Variants in ITGA1 observed in about 807,000 individuals in gnomAD.
ITGA1 encodes integrin alpha-1.
A neutral mutation model predicts 145.9 loss-of-function variants in ITGA1; 85 were observed. The ratio of observed to expected loss-of-function variants is 0.58; its 90% CI spans 0.49 to 0.70. The LOEUF (loss-of-function observed/expected upper bound fraction) is 0.70, where lower values mean the gene tolerates loss of function less well. Among genes scored for constraint, ITGA1 ranks in the 30% least tolerant of loss-of-function variants. The pLI is 0.00. For synonymous variants in ITGA1, 520 were observed against 495.3 expected (o/e 1.05, Z -0.66); for missense variants, 1,351 against 1,418.7 (o/e 0.95, Z 0.77).
chr5:52,948,830 T>C (rs1471617439), intron 28 of ITGA1: 3 of 152,172 alleles, frequency 2.0e-5, no homozygotes, highest in African/African-American at 7.2e-5. Flanking sequence ...CTTACCTCTA[T>C]GGTTTTAGAA....
At chr5:52,901,191 G>A (rs1561242360) in intron 11 of ITGA1, among the ~76,000 whole-genome samples, 1 of 152,186 alleles carries the variant, frequency 6.6e-6, no homozygotes, top group East Asian at 1.9e-4. Flanking sequence ...GAGAGATGCA[G>A]TGTTGTTGGC....
At chr5:52,900,578 A>G (rs999963424) in intron 11 of ITGA1, among the ~76,000 whole-genome samples, 8 of 152,218 alleles carry the variant, frequency 5.3e-5, no homozygotes, top group Admixed American at 2.0e-4. Context: ...AATGAATATT[A>G]CACACCCATA....
In ITGA1 at chr5:52,844,885, C is replaced by T. The variant is rs1370175903; in HGVS notation, c.62-4480C>T. ...AGACAACTTAGTATAACAAAATTCA[C>T]ATTGAACTAAAAGTTATGAAAAGCT... On this transcript the variant is annotated intron_variant, in intron 1 of 28. Coordinates refer to ENST00000282588, the MANE Select transcript of ITGA1 (RefSeq NM_181501.2). Among the ~76,000 whole-genome samples the T allele has an allele frequency of 2.0e-5, 3 of 152,240 alleles. No homozygotes were observed. The East Asian group carries it at 5.8e-4, about 29-fold the overall frequency.
intron 14 of ITGA1, among the ~76,000 whole-genome samples, chr5:52,911,989 A>AC (rs1561246759): frequency 1.6e-5 from 1 of 60,728 alleles, no homozygotes; most frequent in African/African-American, 6.9e-5. Context: ...TACTATATGT[A>AC]TAGTGTGTAT....
intron 2 of ITGA1, among the ~76,000 whole-genome samples, chr5:52,859,700 T>C (rs1021859946): frequency 8.5e-5 from 13 of 152,214 alleles, no homozygotes; most frequent in Non-Finnish European, 1.9e-4. Context: ...CTGCAGACAT[T>C]CTTTCTCCAT....
intron 26 of ITGA1, among the ~76,000 whole-genome samples, chr5:52,942,640 CTT>C (rs1004976817): frequency 2.0e-5 from 3 of 150,972 alleles, no homozygotes; most frequent in African/African-American, 7.3e-5. Context: ...ACGCCATTCT[CTT>C]GACTCAGCCT....
chr5:52,821,298 A>C (rs906716244), intron 1 of ITGA1, among the ~76,000 whole-genome samples: 14 of 152,134 alleles, frequency 9.2e-5, no homozygotes, highest in African/African-American at 3.4e-4. Context: ...AGTGGTCTAA[A>C]CTGTTAAATC....
chr5:52,850,665 C>A (rs1749417549), intron 2 of ITGA1, among the ~76,000 whole-genome samples: 1 of 152,138 alleles, frequency 6.6e-6, no homozygotes. Flanking sequence ...TGAGTTCTCA[C>A]ATTTTTTAAG....
At chr5:52,867,878 A>G (rs1462266538) in intron 6 of ITGA1, among the ~76,000 whole-genome samples, 2 of 151,940 alleles carry the variant, frequency 1.3e-5, no homozygotes, top group Non-Finnish European at 2.9e-5. Flanking sequence ...CTCTACTTCT[A>G]GAGAAGCTTC....
At chr5:52,894,409 T>A (rs1030875100) in intron 9 of ITGA1, among the ~76,000 whole-genome samples, 5 of 152,136 alleles carry the variant, frequency 3.3e-5, no homozygotes, top group Non-Finnish European at 7.4e-5. Flanking sequence ...TTCCTTGAGT[T>A]TTCAATGGTG....
chr5:52,848,545 A>G (rs558571973), intron 1 of ITGA1, among the ~76,000 whole-genome samples: 30 of 152,256 alleles, frequency 2.0e-4, no homozygotes, highest in Non-Finnish European at 4.0e-4. Flanking sequence ...TGTTCTTTAA[A>G]GTCATTATGG....
chr5:52,876,322 C>CT (rs5867840), intron 6 of ITGA1, among the ~76,000 whole-genome samples: 152,323 of 152,328 alleles, frequency 1, 76,159 homozygotes, highest in Middle Eastern at 1. Context: ...TGATTTGACC[C>CT]TTGTCTGTAA....
chr5:52,958,084 A>G lies in ITGA1; in HGVS notation c.*5633A>G, dbSNP rs1222446341. 1 of 152,118 alleles carries G rather than the reference A, an allele frequency of 6.6e-6. No homozygotes were observed. The highest frequency in any genetic ancestry group is 1.5e-5 in the Non-Finnish European group (1 of 68,030). 9.4% of individuals were successfully genotyped at this position (152,118 alleles called of 1,614,324 possible). A position where few individuals can be genotyped will look rare whatever the true frequency, so the allele number is the denominator to read the frequency against. On this transcript the variant is annotated 3_prime_UTR_variant, in exon 29 of 29. Transcript: ENST00000282588. ...CACCCTTGTTTTTTAAGAGGTAGAG[A>G]GAGATTACTGGGAAGCAGTGAGCCA...
chr5:52,833,131 G>A (rs1030221412), intron 1 of ITGA1, among the ~76,000 whole-genome samples: 25 of 151,448 alleles, frequency 1.7e-4, no homozygotes, highest in African/African-American at 3.6e-4. Context: ...TGTGGAGGCT[G>A]CAGTGAGCCA....
At chr5:52,934,913 C>T (rs1033497894) in intron 23 of ITGA1, among the ~76,000 whole-genome samples, 3 of 151,684 alleles carry the variant, frequency 2.0e-5, no homozygotes, top group South Asian at 4.2e-4. Context: ...GCTAATTTCC[C>T]TGGAAATTAG....
intron 6 of ITGA1, among the ~76,000 whole-genome samples, chr5:52,876,549 T>C (rs1749870554): frequency 6.6e-6 from 1 of 152,168 alleles, no homozygotes; most frequent in Admixed American, 6.5e-5. Flanking sequence ...CCAGACTTCG[T>C]TGTATCTCTC....
At chr5:52,800,850 C>T in intron 1 of ITGA1, 1 of 1,608,584 alleles carries the variant, frequency 6.2e-7, no homozygotes, top group Non-Finnish European at 8.5e-7. Context: ...TCTGCTTAGT[C>T]ACTCCCAGCA....
At chr5:52,832,466 A>C (rs984479430) in intron 1 of ITGA1, among the ~76,000 whole-genome samples, 1 of 152,308 alleles carries the variant, frequency 6.6e-6, no homozygotes, top group African/African-American at 2.4e-5. Context: ...TGGAAGGGTC[A>C]AATTAAATAA....
chr5:52,826,676 C>G (rs1748970298), intron 1 of ITGA1, among the ~76,000 whole-genome samples: 1 of 152,158 alleles, frequency 6.6e-6, no homozygotes, highest in Non-Finnish European at 1.5e-5. Flanking sequence ...AATCCTAGGG[C>G]CCTTAAGCAC....
Sources: allele counts gnomAD v4.1 joint callset (sites outside exome capture counted in the v4.1 genomes callset), GRCh38; gene constraint gnomAD v4.1.1; transcripts MANE v1.5; gene names NCBI Gene and HGNC (gene_info 2026-07-23, HGNC 2026-07-21).